Variants in CDKAL1 observed in about 807,000 individuals in gnomAD.
CDKAL1 encodes the protein threonylcarbamoyladenosine tRNA methylthiotransferase.
A neutral mutation model predicts 68.2 loss-of-function variants in CDKAL1; 32 were observed. The ratio of observed to expected loss-of-function variants is 0.47; its 90% CI spans 0.35 to 0.63. The LOEUF (loss-of-function observed/expected upper bound fraction) is 0.63. Ranked by LOEUF, CDKAL1 falls within the 30% of genes least tolerant of loss-of-function variation. The pLI, the probability that CDKAL1 is intolerant of heterozygous loss-of-function variation, is 0.00. For synonymous variants in CDKAL1, 234 were observed against 244.3 expected (o/e 0.96, Z 0.39); for missense variants, 606 against 696.7 (o/e 0.87, Z 1.47).
At position 20,569,943 on chromosome 6, in the gene CDKAL1, A is replaced by G. The variant is rs1036226594; in HGVS notation, c.286+21238A>G. Among the ~76,000 whole-genome samples the G allele has an allele frequency of 2.7e-4, 41 of 152,148 alleles. 1 individual carries two copies. The highest frequency in any genetic ancestry group is 2.5e-3 in the Admixed American group (38 of 15,270). On this transcript the variant is annotated intron_variant, in intron 4 of 15. Coordinates refer to ENST00000274695, the MANE Select transcript of CDKAL1 (RefSeq NM_017774.3). ...GATTCTTCTGGGCTTTAATACGTGT[A>G]TCTGAGAGCTGGGAGGAAGCTGTGT...
chr6:20,748,993 G>GTATATATA (rs200979898), intron 6 of CDKAL1, among the ~76,000 whole-genome samples: 1 of 147,468 alleles, frequency 6.8e-6, no homozygotes, highest in Non-Finnish European at 1.5e-5. Flanking sequence ...ATATGTATGT[G>GTATATATA]TGTGTATATA....
chr6:20,733,575 A>G (rs1020711871), intron 5 of CDKAL1, among the ~76,000 whole-genome samples: 19 of 152,204 alleles, frequency 1.2e-4, no homozygotes, highest in Non-Finnish European at 2.2e-4. Flanking sequence ...CAGGTTTCCA[A>G]TCAGGTCCAT....
At chr6:21,048,467 G>A (rs562878609) in intron 11 of CDKAL1, among the ~76,000 whole-genome samples, 1 of 151,768 alleles carries the variant, frequency 6.6e-6, no homozygotes, top group Non-Finnish European at 1.5e-5. Context: ...TATAGCTTCC[G>A]GTTTCTTTCT....
chr6:20,646,989 C>T (rs547401123), intron 4 of CDKAL1, among the ~76,000 whole-genome samples: 4 of 152,132 alleles, frequency 2.6e-5, no homozygotes, highest in South Asian at 2.1e-4. Flanking sequence ...AGGTGATCCA[C>T]CCGCCTCGGC....
intron 6 of CDKAL1, among the ~76,000 whole-genome samples, chr6:20,750,042 G>A (rs966037468): frequency 6.6e-6 from 1 of 151,918 alleles, no homozygotes; most frequent in Admixed American, 6.6e-5. Context: ...TGTCATTGTA[G>A]CAAATGAAAA....
rs1305613808 is a variant in CDKAL1 at position 20,617,432 on chromosome 6, T to A, written c.287-31861T>A. On this transcript the variant is annotated intron_variant, in intron 4 of 15. Transcript: ENST00000274695. ...TAGCTTAAAACTATTTTTTTTTAAA[T>A]TTTACTTTAAGTTCTAGGGTACATG... is the stretch of plus-strand genomic sequence containing the variant. Among the ~76,000 whole-genome samples the A allele has an allele frequency of 2.6e-5, 4 of 152,174 alleles. No homozygotes were observed. In the East Asian group the frequency reaches 7.7e-4, roughly 29 times the overall value.
chr6:20,890,740 A>G (rs11752477), intron 9 of CDKAL1, among the ~76,000 whole-genome samples: 41,650 of 152,072 alleles, frequency 0.27, 7,059 homozygotes, highest in East Asian at 0.37. Context: ...TAATTAGTGC[A>G]TCAGGCGATT....
chr6:20,608,428 A>G (rs750364988), intron 4 of CDKAL1, among the ~76,000 whole-genome samples: 1 of 152,182 alleles, frequency 6.6e-6, no homozygotes, highest in Admixed American at 6.5e-5. Flanking sequence ...GCATTGTAGT[A>G]TGTTCTCCTC....
At chr6:21,037,645 A>G (rs924371420) in intron 11 of CDKAL1, among the ~76,000 whole-genome samples, 2 of 152,108 alleles carry the variant, frequency 1.3e-5, no homozygotes, top group East Asian at 1.9e-4. Context: ...CAATTGAGGA[A>G]CTGAATCTTT....
At chr6:20,862,799 G>A (rs939038063) in intron 9 of CDKAL1, among the ~76,000 whole-genome samples, 11 of 152,164 alleles carry the variant, frequency 7.2e-5, no homozygotes, top group Non-Finnish European at 1.6e-4. Context: ...GGCTGAGGTG[G>A]GTGGATCACC....
At chr6:21,167,011 C>T (rs1468024823) in intron 13 of CDKAL1, among the ~76,000 whole-genome samples, 1 of 152,152 alleles carries the variant, frequency 6.6e-6, no homozygotes, top group Non-Finnish European at 1.5e-5. Flanking sequence ...CCTCAGTTTC[C>T]TTATCTGTGT....
intron 4 of CDKAL1, among the ~76,000 whole-genome samples, chr6:20,624,363 C>T (rs897087388): frequency 8.0e-6 from 1 of 124,318 alleles, no homozygotes; most frequent in Non-Finnish European, 1.8e-5. Context: ...GAAATGCATT[C>T]GATTTTTAAG....
intron 13 of CDKAL1, among the ~76,000 whole-genome samples, chr6:21,183,653 G>A (rs1008597005): frequency 6.6e-6 from 1 of 152,182 alleles, no homozygotes; most frequent in Non-Finnish European, 1.5e-5. Flanking sequence ...AGATGTGTGT[G>A]AAGTTGGAAT....
At chr6:20,882,779 C>G (rs1308147925) in intron 9 of CDKAL1, among the ~76,000 whole-genome samples, 1 of 152,160 alleles carries the variant, frequency 6.6e-6, no homozygotes, top group African/African-American at 2.4e-5. Context: ...AGAACATGTC[C>G]AGTGTCATTT....
chr6:20,716,651 AGAG>A (rs764802203), intron 5 of CDKAL1, among the ~76,000 whole-genome samples: 2 of 151,880 alleles, frequency 1.3e-5, no homozygotes, highest in Non-Finnish European at 2.9e-5. Context: ...AAAGAACAGA[AGAG>A]GAGTTTTTCT....
intron 11 of CDKAL1, among the ~76,000 whole-genome samples, chr6:21,046,927 A>G (rs555263125): frequency 1.3e-5 from 2 of 152,260 alleles, no homozygotes; most frequent in East Asian, 3.9e-4. Context: ...CTCCTCGTAA[A>G]CCTTGCTTCA....
At chr6:20,878,249 G>T (rs1265879038) in intron 9 of CDKAL1, among the ~76,000 whole-genome samples, 1 of 152,162 alleles carries the variant, frequency 6.6e-6, no homozygotes, top group African/African-American at 2.4e-5. Context: ...GTGGAATGGA[G>T]TGGAGACCCA....
At chr6:21,069,939 G>A (rs921698294) in intron 12 of CDKAL1, among the ~76,000 whole-genome samples, 5 of 151,620 alleles carry the variant, frequency 3.3e-5, no homozygotes, top group South Asian at 2.1e-4. Flanking sequence ...ACAGGCGCCC[G>A]CCACCACGCC....
chr6:21,059,847 G>A (rs1031663090), intron 11 of CDKAL1, among the ~76,000 whole-genome samples: 1 of 152,090 alleles, frequency 6.6e-6, no homozygotes, highest in African/African-American at 2.4e-5. Flanking sequence ...TGAGATTTTA[G>A]TGTACCCTTC....
Sources: gnomAD v4.1 joint callset for allele counts (sites outside exome capture counted in the v4.1 genomes callset) on GRCh38, gnomAD v4.1.1 for gene constraint, MANE v1.5 for transcripts, NCBI Gene and HGNC (gene_info 2026-07-23, HGNC 2026-07-21) for gene names.